Variants in KCNJ4 observed in about 807,000 individuals in gnomAD.
KCNJ4 encodes inward rectifier potassium channel 4.
In KCNJ4, 3 loss-of-function variants were observed where a neutral mutation model predicts 25.6. The ratio of observed to expected loss-of-function variants is 0.12; its 90% CI spans 0.05 to 0.30. The LOEUF is 0.30. Ranked by LOEUF, KCNJ4 falls within the 10% of genes least tolerant of loss-of-function variation. KCNJ4 has a pLI of 1.00. For synonymous variants in KCNJ4, 257 were observed against 283.9 expected, an observed-to-expected ratio of 0.91 and a Z score of 0.95; for missense variants, 286 against 666.8, an observed-to-expected ratio of 0.43 and a Z score of 6.29.
intron 1 of KCNJ4, among the ~76,000 whole-genome samples, chr22:38,437,140 A>C (rs1426488218): frequency 6.6e-6 from 1 of 151,764 alleles, no homozygotes; most frequent in Non-Finnish European, 1.5e-5. Context: ...CATTCCTCCT[A>C]CTCTGCACCC....
chr22:38,454,071 A>AAC (rs372059015), intron 1 of KCNJ4, among the ~76,000 whole-genome samples: 233 of 151,582 alleles, frequency 1.5e-3, no homozygotes, highest in Non-Finnish European at 2.3e-3. Flanking sequence ...TGTGGGGGAG[A>AAC]ACACACACAC....
At chr22:38,450,083 A>T (rs1300906827) in intron 1 of KCNJ4, among the ~76,000 whole-genome samples, 1 of 152,256 alleles carries the variant, frequency 6.6e-6, no homozygotes, top group Non-Finnish European at 1.5e-5. Flanking sequence ...TCTGAATTAA[A>T]AGTTTGAGCA....
intron 1 of KCNJ4, among the ~76,000 whole-genome samples, chr22:38,452,039 C>T (rs1188660075): frequency 6.6e-6 from 1 of 152,080 alleles, no homozygotes; most frequent in African/African-American, 2.4e-5. Context: ...ATAGCTGTTG[C>T]CTTTGAGGAT....
chr22:38,430,806 A>G (rs528854323), intron 1 of KCNJ4, among the ~76,000 whole-genome samples: 1 of 152,292 alleles, frequency 6.6e-6, no homozygotes, highest in Admixed American at 6.5e-5. Context: ...GACTGTCAGG[A>G]CAGGAGGAGC....
At position 38,428,144 on chromosome 22, in the gene KCNJ4, G is replaced by C. The variant is rs753864730; in HGVS notation, c.-12C>G. On this transcript the variant is annotated 5_prime_UTR_variant, in exon 2 of 2. Transcript: ENST00000303592. ...CTGTGTCCGTGCATGTCCTGAAGCC[G>C]GCGTGGTCACCTGGGAAGACGCAGG... 1 of 1,599,502 alleles carries C rather than the reference G, an allele frequency of 6.3e-7. No homozygotes were observed. Among genetic ancestry groups the C allele is most frequent in the African/African-American group, 1.3e-5 (1 of 74,754 alleles).
intron 1 of KCNJ4, among the ~76,000 whole-genome samples, chr22:38,448,059 C>CA (rs11422111): frequency 0.43 from 44,278 of 104,024 alleles, 8,836 homozygotes; most frequent in South Asian, 0.57. Flanking sequence ...GTGAGACTCT[C>CA]AAAAAAAAAA....
In KCNJ4 at chr22:38,434,076, C is replaced by T. The variant is rs115376019; in HGVS notation, c.-39-5905G>A. Among the ~76,000 whole-genome samples the T allele has an allele frequency of 4.7e-3, 717 of 152,236 alleles. 6 individuals are homozygous for T. Among genetic ancestry groups the T allele is most frequent in the African/African-American group, 0.017 (692 of 41,532 alleles). On this transcript the variant is annotated intron_variant, in intron 1 of 1. Transcript: ENST00000303592. ...ACCATGGCCACTGCAGGGGCACCTC[C>T]GCCAGGCCCTGCCAGAGCCAGGCAG...
chr22:38,448,744 G>C (rs772197596), intron 1 of KCNJ4, among the ~76,000 whole-genome samples: 1 of 152,138 alleles, frequency 6.6e-6, no homozygotes, highest in Non-Finnish European at 1.5e-5. Flanking sequence ...GGTGGTCTCC[G>C]GACTCGGTTT....
At chr22:38,431,128 T>TG (rs1479523606) in intron 1 of KCNJ4, among the ~76,000 whole-genome samples, 1 of 152,126 alleles carries the variant, frequency 6.6e-6, no homozygotes, top group Non-Finnish European at 1.5e-5. Context: ...CCAGAGAAGG[T>TG]GGGGGGCCCT....
chr22:38,429,776 C>G (rs2093044117), intron 1 of KCNJ4, among the ~76,000 whole-genome samples: 1 of 152,242 alleles, frequency 6.6e-6, no homozygotes, highest in Admixed American at 6.5e-5. Context: ...GCCCCAGCAG[C>G]TGGCAGGGCC....
At chr22:38,430,328 C>G (rs1181466231) in intron 1 of KCNJ4, among the ~76,000 whole-genome samples, 1 of 152,160 alleles carries the variant, frequency 6.6e-6, no homozygotes, top group Admixed American at 6.5e-5. Context: ...CATGAAGAAA[C>G]CCCGTCTCTA....
chr22:38,450,521 C>T (rs866738798), intron 1 of KCNJ4, among the ~76,000 whole-genome samples: 3 of 152,170 alleles, frequency 2.0e-5, no homozygotes, highest in East Asian at 1.9e-4. Context: ...CCTCTCCCTG[C>T]GCCGATAACT....
intron 1 of KCNJ4, among the ~76,000 whole-genome samples, chr22:38,450,003 T>C (rs1038021315): frequency 2.0e-5 from 3 of 152,210 alleles, no homozygotes; most frequent in Non-Finnish European, 2.9e-5. Flanking sequence ...GGTCTATTCA[T>C]AGCCGAGCTC....
chr22:38,433,767 A>G (rs2093057378), intron 1 of KCNJ4, among the ~76,000 whole-genome samples: 1 of 152,218 alleles, frequency 6.6e-6, no homozygotes, highest in Admixed American at 6.5e-5. Context: ...AAGGAAGCTC[A>G]GGCCTCACCA....
intron 1 of KCNJ4, among the ~76,000 whole-genome samples, chr22:38,437,148 C>T (rs2093067741): frequency 6.6e-6 from 1 of 152,220 alleles, no homozygotes; most frequent in South Asian, 2.1e-4. Context: ...CTACTCTGCA[C>T]CCCACCGGGC....
In KCNJ4 at chr22:38,427,307, T is replaced by A; in HGVS notation, c.826A>T (p.Lys276Ter). ...AAGTCCTCCGACTCCAGCTCCTCCT[T>A]GCCCATGCCATAAAGCGGGCTGTCC... ...DEDSPLYGMG[K>*]EELESEDFEI... is the part of the protein sequence containing the mutation. The change falls in exon 2 of 2, where the codon AAG (lysine) becomes TAG (stop). Residue 276 changes from lysine to a stop codon, truncating the protein, a stop_gained. Coordinates refer to ENST00000303592, the MANE Select transcript of KCNJ4 (RefSeq NM_152868.3). LOFTEE classifies it high-confidence loss of function. 1 of 1,613,966 alleles carries A rather than the reference T, an allele frequency of 6.2e-7. No homozygotes were observed. The highest frequency in any genetic ancestry group is 8.5e-7 in the Non-Finnish European group (1 of 1,180,002).
intron 1 of KCNJ4, among the ~76,000 whole-genome samples, chr22:38,430,689 A>G (rs994299283): frequency 2.6e-5 from 4 of 152,182 alleles, no homozygotes; most frequent in African/African-American, 9.7e-5. Context: ...TTCTGGGGCC[A>G]GGCACACCTT....
At chr22:38,445,203 T>C (rs1389387609) in intron 1 of KCNJ4, among the ~76,000 whole-genome samples, 1 of 152,024 alleles carries the variant, frequency 6.6e-6, no homozygotes, top group African/African-American at 2.4e-5. Context: ...GCCTGGGATC[T>C]AGGCCCTGGG....
At chr22:38,436,923 A>G (rs1193299633) in intron 1 of KCNJ4, among the ~76,000 whole-genome samples, 1 of 152,190 alleles carries the variant, frequency 6.6e-6, no homozygotes, top group Non-Finnish European at 1.5e-5. Context: ...CCTCGAAGAA[A>G]TACTGTCACA....
Sources: allele counts gnomAD v4.1 joint callset (sites outside exome capture counted in the v4.1 genomes callset), GRCh38; gene constraint gnomAD v4.1.1; transcripts MANE v1.5; gene names NCBI Gene and HGNC (gene_info 2026-07-23, HGNC 2026-07-21).